ADGRV1: variants seen among roughly 807,000 people sequenced by gnomAD.
ADGRV1 encodes the protein G-protein coupled receptor 98.
Under a neutral mutation model 596.2 loss-of-function variants are expected in ADGRV1, and 359 were observed. The ratio of observed to expected loss-of-function variants is 0.60; its 90% CI spans 0.55 to 0.66. The LOEUF (loss-of-function observed/expected upper bound fraction) is 0.66. Ranked by LOEUF, ADGRV1 falls within the 30% of genes least tolerant of loss-of-function variation. ADGRV1 has a pLI of 0.00. For synonymous variants in ADGRV1, 2,681 were observed against 2,679.2 expected (o/e 1.00, Z -0.02); for missense variants, 7,274 against 7,575.6 (o/e 0.96, Z 1.48).
chr5:91,064,941 C>T (rs973905079), intron 85 of ADGRV1, among the ~76,000 whole-genome samples: 6 of 152,026 alleles, frequency 3.9e-5, no homozygotes, highest in East Asian at 1.9e-4. Context: ...TAAATAAGAG[C>T]GTTATCTTTG....
chr5:91,111,461 C>T (rs1193617291), intron 87 of ADGRV1, among the ~76,000 whole-genome samples: 2 of 152,004 alleles, frequency 1.3e-5, no homozygotes, highest in Non-Finnish European at 2.9e-5. Flanking sequence ...ATTAATAATC[C>T]CCCTTCAATT....
chr5:90,799,923 T>C (rs1761172673), intron 70 of ADGRV1, among the ~76,000 whole-genome samples: 1 of 151,998 alleles, frequency 6.6e-6, no homozygotes, highest in South Asian at 2.1e-4. Context: ...ATACAAAAAT[T>C]AACTCAAGAT....
intron 84 of ADGRV1, among the ~76,000 whole-genome samples, chr5:90,982,578 A>C (rs1384852085): frequency 6.6e-6 from 1 of 152,226 alleles, no homozygotes; most frequent in African/African-American, 2.4e-5. Context: ...GAACCTAAGA[A>C]CTGTAACTAC....
intron 1 of ADGRV1, among the ~76,000 whole-genome samples, chr5:90,613,763 T>C (rs948432087): frequency 1.3e-5 from 2 of 152,130 alleles, no homozygotes; most frequent in African/African-American, 4.8e-5. Context: ...AACATTGCAC[T>C]TAAATCCTAA....
chr5:91,012,936 C>T (rs1782844967), intron 85 of ADGRV1, among the ~76,000 whole-genome samples: 1 of 152,014 alleles, frequency 6.6e-6, no homozygotes, highest in Admixed American at 6.6e-5. Flanking sequence ...CATGAGTTCT[C>T]ATCATTTAGC....
At chr5:90,579,280 T>TGC (rs1757658076) in intron 1 of ADGRV1, among the ~76,000 whole-genome samples, 2 of 152,230 alleles carry the variant, frequency 1.3e-5, no homozygotes, top group Non-Finnish European at 1.5e-5. Context: ...GCTTTACGTA[T>TGC]GTCCCAGAGA....
intron 57 of ADGRV1, among the ~76,000 whole-genome samples, chr5:90,758,797 A>G (rs1443963539): frequency 1.3e-5 from 2 of 152,226 alleles, no homozygotes; most frequent in Non-Finnish European, 2.9e-5. Context: ...ATCAGTTTAT[A>G]AAAACTTTTA....
intron 87 of ADGRV1, among the ~76,000 whole-genome samples, chr5:91,104,339 G>A (rs1044523661): frequency 6.6e-6 from 1 of 152,086 alleles, no homozygotes; most frequent in African/African-American, 2.4e-5. Context: ...GTATATTTAT[G>A]GGTACATAGT....
At chr5:90,597,939 A>G (rs896325552) in intron 1 of ADGRV1, among the ~76,000 whole-genome samples, 2 of 152,200 alleles carry the variant, frequency 1.3e-5, no homozygotes, top group African/African-American at 4.8e-5. Context: ...TTGAACTATT[A>G]CAAAAGTTTA....
At chr5:91,134,826 A>G (rs1310428848) in intron 87 of ADGRV1, among the ~76,000 whole-genome samples, 2 of 152,206 alleles carry the variant, frequency 1.3e-5, no homozygotes, top group Non-Finnish European at 2.9e-5. Context: ...GGTGAAATTT[A>G]AAGTCAAGGT....
At chr5:91,131,200 T>C (rs1159894786) in intron 87 of ADGRV1, among the ~76,000 whole-genome samples, 1 of 152,248 alleles carries the variant, frequency 6.6e-6, no homozygotes, top group Non-Finnish European at 1.5e-5. Context: ...TCCAAACTGC[T>C]TTCCACAGGG....
At chr5:90,733,606 A>G (rs1040889138) in intron 50 of ADGRV1, among the ~76,000 whole-genome samples, 19 of 152,182 alleles carry the variant, frequency 1.2e-4, no homozygotes, top group Non-Finnish European at 2.4e-4. Flanking sequence ...AGTCACCTCA[A>G]CTACTGACCA....
intron 75 of ADGRV1, among the ~76,000 whole-genome samples, chr5:90,820,588 G>T (rs1208995249): frequency 6.6e-6 from 1 of 151,640 alleles, no homozygotes; most frequent in South Asian, 2.1e-4. Flanking sequence ...GCTTGCTTCA[G>T]GAGCTCTTTT....
At chr5:90,816,916 G>C (rs888304100) in intron 75 of ADGRV1, among the ~76,000 whole-genome samples, 21 of 151,846 alleles carry the variant, frequency 1.4e-4, no homozygotes, top group Admixed American at 1.4e-3. Flanking sequence ...TAGTCCTTTG[G>C]GTATATACCC....
chr5:90,809,894 A>G (rs1252372821), intron 73 of ADGRV1, among the ~76,000 whole-genome samples: 1 of 152,244 alleles, frequency 6.6e-6, no homozygotes, highest in African/African-American at 2.4e-5. Context: ...AGAACATTGT[A>G]GTAATATTGT....
Position 90,755,121 on chromosome 5 carries a change from A to G in ADGRV1, c.11516A>G (p.Gln3839Arg). The G allele has an allele frequency of 6.2e-7, 1 of 1,611,460 alleles. No individual in the cohort carries two copies. The highest frequency in any genetic ancestry group is 2.2e-5 in the East Asian group (1 of 44,858). ...QATENEDYVL[Q>R]ETIIIMKENI... is the part of the protein sequence containing the mutation. Reference sequence around the variant, plus strand: ...ACTGAGAATGAAGATTATGTATTGCAAGAAACAATAATAATAATGAAAGAA... The same window carrying G: ...ACTGAGAATGAAGATTATGTATTGCGAGAAACAATAATAATAATGAAAGAA... The change falls in exon 55 of 90, where the codon CAA becomes CGA. Residue 3839 changes from glutamine (Q) to arginine (R), a missense_variant. Gln to Arg is a conservative substitution (Grantham distance 43). This residue lies in a region of ADGRV1 where 3,643 missense variants were observed against 3,809.2 expected (regional missense o/e 0.96). Coordinates refer to ENST00000405460, the MANE Select transcript of ADGRV1 (RefSeq NM_032119.4).
chr5:90,722,568 G>T lies in ADGRV1; in HGVS notation c.9748+1509G>T, dbSNP rs12652606. On this transcript the variant is annotated intron_variant, in intron 45 of 89. Coordinates refer to ENST00000405460, the MANE Select transcript of ADGRV1 (RefSeq NM_032119.4). ...TCTACTAAAAATACAAAAAAAATTA[G>T]CCGGGCTTGGTGGCGCACGCCTATA... Among the ~76,000 whole-genome samples, 4 of 150,978 alleles carry T rather than the reference G, an allele frequency of 2.6e-5. No homozygotes were observed. In the East Asian group the frequency reaches 7.9e-4, roughly 30 times the overall value.
At chr5:91,086,635 T>G (rs1417574574) in intron 86 of ADGRV1, among the ~76,000 whole-genome samples, 1 of 152,176 alleles carries the variant, frequency 6.6e-6, no homozygotes, top group Non-Finnish European at 1.5e-5. Context: ...GCTCTCTTAC[T>G]CTTTTCTGAT....
At chr5:90,910,336 A>G (rs559400859) in intron 83 of ADGRV1, among the ~76,000 whole-genome samples, 22 of 152,342 alleles carry the variant, frequency 1.4e-4, no homozygotes, top group African/African-American at 5.1e-4. Flanking sequence ...AATTTCCAAG[A>G]AGACTATTAG....
Sources: allele counts gnomAD v4.1 joint callset (sites outside exome capture counted in the v4.1 genomes callset), GRCh38; gene constraint gnomAD v4.1.1; regional missense constraint gnomAD v4.1.1; transcripts MANE v1.5; gene names NCBI Gene and HGNC (gene_info 2026-07-23, HGNC 2026-07-21).